The following MYO3B variants were observed in gnomAD, a reference collection of about 807,000 sequenced individuals.
The protein encoded by MYO3B is myosin IIIB.
A neutral mutation model predicts 174.6 loss-of-function variants in MYO3B; 156 were observed. The observed-to-expected ratio is 0.89, with a 90% confidence interval of 0.78 to 1.02. The LOEUF (loss-of-function observed/expected upper bound fraction) is 1.02, where lower values mean the gene tolerates loss of function less well. Among genes scored for constraint, MYO3B ranks in the 50% least tolerant of loss-of-function variants. The pLI is 0.00. For synonymous variants in MYO3B, 563 were observed against 569.1 expected, an observed-to-expected ratio of 0.99 and a Z score of 0.15; for missense variants, 1,632 against 1,639.4, an observed-to-expected ratio of 1.00 and a Z score of 0.08.
chr2:170,574,893 C>G (rs575895351), intron 32 of MYO3B, among the ~76,000 whole-genome samples: 96 of 152,290 alleles, frequency 6.3e-4, no homozygotes, highest in Admixed American at 1.6e-3. Context: ...CAGTCTCAGT[C>G]TTGATCTCCT....
At chr2:170,214,663 T>C in intron 4 of MYO3B, 66 bp from the exon 5 acceptor site, 6 of 1,472,370 alleles carry the variant, frequency 4.1e-6, no homozygotes, top group Non-Finnish European at 5.7e-6. Flanking sequence ...GTAATTGCTT[T>C]AAAATAAGCA....
intron 28 of MYO3B, among the ~76,000 whole-genome samples, chr2:170,511,919 T>C (rs762683313): frequency 1.3e-5 from 2 of 152,286 alleles, no homozygotes; most frequent in Middle Eastern, 3.4e-3. Context: ...ATCCTGAAGC[T>C]GGTGGGAGTC....
chr2:170,457,646 C>T (rs1169780450), intron 23 of MYO3B, among the ~76,000 whole-genome samples: 1 of 152,222 alleles, frequency 6.6e-6, no homozygotes, highest in Non-Finnish European at 1.5e-5. Context: ...CCTATGATAA[C>T]AATGCCTTCT....
chr2:170,274,083 A>G (rs1239972237), intron 7 of MYO3B, among the ~76,000 whole-genome samples: 1 of 151,432 alleles, frequency 6.6e-6, no homozygotes, highest in Non-Finnish European at 1.5e-5. Context: ...TAGGCAAAGC[A>G]AACTACGAGA....
chr2:170,382,198 C>T, intron 10 of MYO3B, 86 bp downstream of exon 10: 1 of 1,087,330 alleles, frequency 9.2e-7, no homozygotes, highest in Non-Finnish European at 1.4e-6. Context: ...CCATGTCCTC[C>T]TAAGGTCATT....
chr2:170,483,900 C>A (rs1685861886), intron 25 of MYO3B, among the ~76,000 whole-genome samples: 1 of 152,104 alleles, frequency 6.6e-6, no homozygotes, highest in South Asian at 2.1e-4. Context: ...TGGAATCCCT[C>A]CCAACATGGT....
chr2:170,576,718 G>A (rs539933966), intron 32 of MYO3B, among the ~76,000 whole-genome samples: 2 of 152,326 alleles, frequency 1.3e-5, no homozygotes, highest in Admixed American at 1.3e-4. Flanking sequence ...TACTATAAGT[G>A]AAATGGTCAC....
At chr2:170,283,295 T>C (rs1273617382) in intron 7 of MYO3B, among the ~76,000 whole-genome samples, 1 of 152,146 alleles carries the variant, frequency 6.6e-6, no homozygotes, top group Admixed American at 6.6e-5. Context: ...ATCCCTCTTA[T>C]CCATTTCCCA....
At position 170,286,826 on chromosome 2, in the gene MYO3B, A is replaced by AGTTCAGTG. The variant is rs369559193; in HGVS notation, c.750-48556_750-48549dup. Among the ~76,000 whole-genome samples, 70 of 152,142 alleles carry AGTTCAGTG rather than the reference A, an allele frequency of 4.6e-4. 1 individual carries two copies. Among genetic ancestry groups the AGTTCAGTG allele is most frequent in the African/African-American group, 1.7e-3 (69 of 41,528 alleles). On this transcript the variant is annotated intron_variant, in intron 7 of 34. Transcript: ENST00000408978. The stretch of plus-strand genomic sequence containing the variant: ...TCATCTTTACCATTTTTAAGTATAG[A>AGTTCAGTG]GTTCAGTGGTAATAACTACATTTAT...
At chr2:170,482,259 A>G (rs1237560554) in intron 25 of MYO3B, among the ~76,000 whole-genome samples, 1 of 151,620 alleles carries the variant, frequency 6.6e-6, no homozygotes, top group East Asian at 1.9e-4. Flanking sequence ...GATTCAAGTG[A>G]TTCTCCTGCC....
intron 1 of MYO3B, among the ~76,000 whole-genome samples, chr2:170,190,301 A>G (rs2092524385): frequency 6.6e-6 from 1 of 152,130 alleles, no homozygotes; most frequent in South Asian, 2.1e-4. Context: ...GTCAGACCTG[A>G]AGCCAGCACA....
chr2:170,543,025 T>C (rs1690222596), intron 31 of MYO3B, 59 bp downstream of exon 31: 11 of 1,383,654 alleles, frequency 7.9e-6, no homozygotes. Context: ...CTCATCCAAG[T>C]TCATAGGCAT....
At chr2:170,409,210 A>G (rs911749721) in intron 22 of MYO3B, among the ~76,000 whole-genome samples, 1 of 152,142 alleles carries the variant, frequency 6.6e-6, no homozygotes, top group Admixed American at 6.5e-5. Flanking sequence ...CAAAATAAAA[A>G]CCATTTAACA....
At chr2:170,413,703 T>C (rs1020526725) in intron 22 of MYO3B, among the ~76,000 whole-genome samples, 59 of 151,428 alleles carry the variant, frequency 3.9e-4, no homozygotes, top group African/African-American at 1.4e-3. Flanking sequence ...TTGGTTTTTT[T>C]CTTCATAACT....
At chr2:170,261,333 A>G (rs2093344663) in intron 7 of MYO3B, among the ~76,000 whole-genome samples, 1 of 152,128 alleles carries the variant, frequency 6.6e-6, no homozygotes, top group African/African-American at 2.4e-5. Flanking sequence ...CCAAGAATAC[A>G]TTTTTTCAAG....
chr2:170,209,079 C>T (rs2092744532), intron 3 of MYO3B, among the ~76,000 whole-genome samples: 1 of 152,170 alleles, frequency 6.6e-6, no homozygotes, highest in South Asian at 2.1e-4. Flanking sequence ...TCCCAAGGGG[C>T]TTTTAGCAGC....
At chr2:170,195,683 G>A (rs986149709) in intron 1 of MYO3B, among the ~76,000 whole-genome samples, 2 of 152,144 alleles carry the variant, frequency 1.3e-5, no homozygotes, top group Non-Finnish European at 1.5e-5. Context: ...GGCTTTGGGA[G>A]TTTTAGGTAC....
At chr2:170,303,759 G>A (rs946787431) in intron 7 of MYO3B, among the ~76,000 whole-genome samples, 2 of 151,990 alleles carry the variant, frequency 1.3e-5, no homozygotes, top group African/African-American at 4.8e-5. Flanking sequence ...TCTCTTTTCT[G>A]GAATATGTAT....
chr2:170,311,668 A>G (rs72889498), intron 7 of MYO3B, among the ~76,000 whole-genome samples: 1,551 of 152,134 alleles, frequency 0.01, 16 homozygotes, highest in Admixed American at 0.02. Flanking sequence ...GTCATACCTA[A>G]GAATCCATTG....
Sources: gnomAD v4.1 joint callset for allele counts (sites outside exome capture counted in the v4.1 genomes callset) on GRCh38, gnomAD v4.1.1 for gene constraint, MANE v1.5 for transcripts, NCBI Gene and HGNC (gene_info 2026-07-23, HGNC 2026-07-21) for gene names.